The following BBS9 variants were observed in gnomAD, a reference collection of about 807,000 sequenced individuals.
BBS9 encodes the protein protein PTHB1.
A neutral mutation model predicts 117.7 loss-of-function variants in BBS9; 89 were observed. The ratio of observed to expected loss-of-function variants is 0.76; its 90% confidence interval spans 0.64 to 0.90. The LOEUF (loss-of-function observed/expected upper bound fraction) is 0.90, where lower values mean the gene tolerates loss of function less well. Among genes scored for constraint, BBS9 ranks in the 40% least tolerant of loss-of-function variants. The probability of loss-of-function intolerance (pLI) is 0.00; values close to 1 mark genes in which losing one functional copy is unlikely to be tolerated. For missense variants in BBS9, 982 were observed against 1,042.2 expected (o/e 0.94, Z 0.80); for synonymous variants, 379 against 370.9 (o/e 1.02, Z -0.25).
intron 4 of BBS9, among the ~76,000 whole-genome samples, chr7:33,165,397 T>C (rs576410865): frequency 6.6e-6 from 1 of 152,276 alleles, no homozygotes; most frequent in Admixed American, 6.5e-5. Context: ...TTGGGGAAGT[T>C]CTCCTGGATA....
At chr7:33,629,851 A>G (rs1404435773) in intron 21 of BBS9, among the ~76,000 whole-genome samples, 1 of 152,234 alleles carries the variant, frequency 6.6e-6, no homozygotes, top group Non-Finnish European at 1.5e-5. Context: ...TTAAACTTCA[A>G]TAATTACACT....
chr7:33,434,650 TGTGTTTCA>T (rs1835036232), intron 19 of BBS9, among the ~76,000 whole-genome samples: 1 of 152,176 alleles, frequency 6.6e-6, no homozygotes, highest in Non-Finnish European at 1.5e-5. Context: ...GAGATCTCAT[TGTGTTTCA>T]CCTGTGTTTT....
chr7:33,296,017 T>G (rs1034492954), intron 9 of BBS9, among the ~76,000 whole-genome samples: 2 of 152,120 alleles, frequency 1.3e-5, no homozygotes, highest in African/African-American at 2.4e-5. Context: ...AACAAACTCA[T>G]TTTTCAATGG....
At chr7:33,616,859 C>A (rs1482401740) in intron 21 of BBS9, among the ~76,000 whole-genome samples, 1 of 151,956 alleles carries the variant, frequency 6.6e-6, no homozygotes, top group South Asian at 2.1e-4. Context: ...TCACCCCTCT[C>A]CCAACCTTCC....
intron 21 of BBS9, among the ~76,000 whole-genome samples, chr7:33,590,478 A>C (rs1168527609): frequency 5.0e-5 from 2 of 39,850 alleles, no homozygotes; most frequent in Middle Eastern, 0.013. Flanking sequence ...TTTTTTTTTT[A>C]CCAGATCAGA....
intron 21 of BBS9, among the ~76,000 whole-genome samples, chr7:33,567,417 C>G (rs1857086142): frequency 6.6e-6 from 1 of 152,092 alleles, no homozygotes; most frequent in African/African-American, 2.4e-5. Context: ...AACTTTTGAG[C>G]AGTATTTGGT....
chr7:33,603,861 T>C (rs1864181935), intron 21 of BBS9, among the ~76,000 whole-genome samples: 1 of 152,204 alleles, frequency 6.6e-6, no homozygotes, highest in Non-Finnish European at 1.5e-5. Flanking sequence ...TGCAGAGGCG[T>C]GGATAGTAAG....
chr7:33,281,629 A>G (rs1584073266), intron 9 of BBS9, among the ~76,000 whole-genome samples: 1 of 149,276 alleles, frequency 6.7e-6, no homozygotes, highest in South Asian at 2.1e-4. Context: ...TCCTGCCTCA[A>G]CCTCTCAAAG....
chr7:33,357,319 C>CT (rs1819778429), intron 15 of BBS9, among the ~76,000 whole-genome samples: 1 of 151,662 alleles, frequency 6.6e-6, no homozygotes, highest in Non-Finnish European at 1.5e-5. Context: ...TGAACATGGA[C>CT]TTCAATAGAA....
intron 19 of BBS9, among the ~76,000 whole-genome samples, chr7:33,408,412 T>G (rs1830478551): frequency 6.6e-6 from 1 of 152,158 alleles, no homozygotes; most frequent in Non-Finnish European, 1.5e-5. Context: ...TGCCTCACCC[T>G]GCTTTCGCTG....
chr7:33,427,073 T>G (rs573384449), intron 19 of BBS9, among the ~76,000 whole-genome samples: 1 of 152,098 alleles, frequency 6.6e-6, no homozygotes, highest in South Asian at 2.1e-4. Context: ...AGGGTTCTTC[T>G]CCTGTAACAC....
At chr7:33,387,945 G>A in intron 18 of BBS9, 47 bp from the exon 19 acceptor site, 1 of 1,590,682 alleles carries the variant, frequency 6.3e-7, no homozygotes, top group East Asian at 2.2e-5. Context: ...CTTTAAAGAT[G>A]TTTTTTGTGT....
At chr7:33,231,428 C>CTTTTTT (rs35407590) in intron 5 of BBS9, among the ~76,000 whole-genome samples, 15 of 106,374 alleles carry the variant, frequency 1.4e-4, no homozygotes, top group South Asian at 1.4e-3. Context: ...GCCTATGTGT[C>CTTTTTT]TTTTTTTTTT....
At chr7:33,141,869 ATT>A (rs74821687) in intron 1 of BBS9, among the ~76,000 whole-genome samples, 4 of 150,304 alleles carry the variant, frequency 2.7e-5, no homozygotes, top group Non-Finnish European at 5.9e-5. Context: ...AGCTTTTTGG[ATT>A]TTTTTTTCAT....
intron 19 of BBS9, among the ~76,000 whole-genome samples, chr7:33,400,759 G>T (rs1243786547): frequency 6.6e-6 from 1 of 152,184 alleles, no homozygotes; most frequent in East Asian, 1.9e-4. Context: ...TGCTCAGAGT[G>T]TTGCTTGAAA....
At chr7:33,159,625 C>G (rs181982924) in intron 4 of BBS9, among the ~76,000 whole-genome samples, 86 of 152,318 alleles carry the variant, frequency 5.6e-4, no homozygotes, top group African/African-American at 1.8e-3. Context: ...GTGACCAAAA[C>G]TTAGGGCCTT....
chr7:33,324,670 G>A (rs1812480694), intron 9 of BBS9, among the ~76,000 whole-genome samples: 2 of 150,654 alleles, frequency 1.3e-5, no homozygotes, highest in South Asian at 4.2e-4. Context: ...TAGTGTTGAT[G>A]AAATCTATCA....
intron 5 of BBS9, among the ~76,000 whole-genome samples, chr7:33,210,321 G>A (rs562336362): frequency 6.6e-6 from 1 of 152,278 alleles, no homozygotes; most frequent in East Asian, 1.9e-4. Flanking sequence ...CATATGGTCT[G>A]TCCTTGAGAA....
At chr7:33,160,695 C>T (rs948776517) in intron 4 of BBS9, among the ~76,000 whole-genome samples, 1 of 152,126 alleles carries the variant, frequency 6.6e-6, no homozygotes, top group Non-Finnish European at 1.5e-5. Flanking sequence ...TGGAGGGGCC[C>T]TTTTGAGTTG....
Sources: allele counts gnomAD v4.1 joint callset (sites outside exome capture counted in the v4.1 genomes callset), GRCh38; gene constraint gnomAD v4.1.1; transcripts MANE v1.5; gene names NCBI Gene and HGNC (gene_info 2026-07-23, HGNC 2026-07-21).